ATF7: variants seen among roughly 807,000 people sequenced by gnomAD.
ATF7 encodes the protein cyclic AMP-dependent transcription factor ATF-7.
ATF7 carries 10 observed loss-of-function variants against 50.4 expected under a neutral mutation model. The ratio of observed to expected loss-of-function variants is 0.20; its 90% CI spans 0.12 to 0.34. ATF7 has a LOEUF of 0.34. Among genes scored for constraint, ATF7 ranks in the 10% least tolerant of loss-of-function variants. The pLI, the probability that ATF7 is intolerant of heterozygous loss-of-function variation, is 1.00. For missense variants in ATF7, 465 were observed against 613.9 expected (o/e 0.76, Z 2.56); for synonymous variants, 201 against 226.4 (o/e 0.89, Z 1.01).
intron 11 of ATF7, among the ~76,000 whole-genome samples, chr12:53,518,533 C>T (rs1937873637): frequency 1.3e-5 from 2 of 152,368 alleles, no homozygotes; most frequent in Admixed American, 1.3e-4. Flanking sequence ...TCACAGCTCA[C>T]AGCAGCCTTC....
At chr12:53,537,029 T>C (rs1201845477) in intron 5 of ATF7, among the ~76,000 whole-genome samples, 1 of 152,148 alleles carries the variant, frequency 6.6e-6, no homozygotes, top group African/African-American at 2.4e-5. Flanking sequence ...TTTATATAAA[T>C]CTTCTAAATA....
chr12:53,592,640 A>C (rs753796119), intron 2 of ATF7, among the ~76,000 whole-genome samples: 17 of 152,296 alleles, frequency 1.1e-4, no homozygotes, highest in Middle Eastern at 3.4e-3. Context: ...TCTGTTTAAA[A>C]CATGTGTTGT....
chr12:53,575,244 C>T (rs748165123), intron 2 of ATF7, among the ~76,000 whole-genome samples: 3 of 151,958 alleles, frequency 2.0e-5, no homozygotes, highest in Non-Finnish European at 2.9e-5. Context: ...CCTGTCTCTA[C>T]TAAAAATACA....
chr12:53,592,585 C>T (rs1359098645), intron 2 of ATF7, among the ~76,000 whole-genome samples: 2 of 152,018 alleles, frequency 1.3e-5, no homozygotes, highest in Non-Finnish European at 2.9e-5. Context: ...ATTCAACCCC[C>T]AACAGACAAA....
rs562934481 is a variant in ATF7 at position 53,545,754 on chromosome 12, G to A, written c.146-2306C>T. 3.2e-4 allele frequency among the ~76,000 whole-genome samples: 49 copies of A among 152,292 alleles called. No individual in the cohort carries two copies. In the South Asian group the frequency reaches 9.9e-3, roughly 31 times the overall value. On this transcript the variant is annotated intron_variant, in intron 3 of 11. Transcript: ENST00000420353. The stretch of plus-strand genomic sequence containing the variant: ...GATAGGAATATAGGAGTACTGCCCA[G>A]ATTTAAGACATGGCTCTTAGGCTGG...
chr12:53,523,002 G>A (rs1938215454), intron 11 of ATF7, among the ~76,000 whole-genome samples: 1 of 152,258 alleles, frequency 6.6e-6, no homozygotes, highest in Non-Finnish European at 1.5e-5. Flanking sequence ...TCCATTTCAT[G>A]AGAGACTTGG....
At chr12:53,613,569 G>C (rs1943987300) in intron 1 of ATF7, among the ~76,000 whole-genome samples, 3 of 151,820 alleles carry the variant, frequency 2.0e-5, no homozygotes, top group Non-Finnish European at 4.4e-5. Context: ...TGCCCAAGCT[G>C]GAGTGCAGTG....
chr12:53,540,462 G>A (rs1459488062), intron 4 of ATF7, among the ~76,000 whole-genome samples: 5 of 151,914 alleles, frequency 3.3e-5, no homozygotes, highest in Admixed American at 6.6e-5. Flanking sequence ...GGTGGCTCAC[G>A]CCTATAATCC....
rs1415663666 is a variant in ATF7 at position 53,570,759 on chromosome 12, GTGTGTGTGTGTGTGTGTA to G, written c.49-18140_49-18123del. On this transcript the variant is annotated intron_variant, in intron 2 of 11. Coordinates refer to ENST00000420353, the MANE Select transcript of ATF7 (RefSeq NM_006856.3). ...TGCGTGTGTGTGTGTGTGTGTGTGT[GTGTGTGTGTGTGTGTGTA>G]TGTCCAATTTCCTCTTTTTATAGGA... Among the ~76,000 whole-genome samples the G allele has an allele frequency of 1.3e-3, 195 of 151,820 alleles. 3 individuals carry two copies. The highest frequency in any genetic ancestry group is 0.011 in the Admixed American group (171 of 15,214).
chr12:53,542,088 G>A (rs1186004887), intron 4 of ATF7, among the ~76,000 whole-genome samples: 3 of 147,118 alleles, frequency 2.0e-5, no homozygotes, highest in Non-Finnish European at 4.5e-5. Context: ...TTACGGGTGT[G>A]AGCCACTGCG....
At chr12:53,522,491 A>C (rs1938180252) in intron 11 of ATF7, 1 of 152,034 alleles carries the variant, frequency 6.6e-6, no homozygotes, top group African/African-American at 2.4e-5. Flanking sequence ...CCTGGGAGGC[A>C]GAGGTGGCAG....
At chr12:53,587,366 C>CAAAAAAAAAAAAAAAAAAAAA (rs55904354) in intron 2 of ATF7, among the ~76,000 whole-genome samples, 9 of 62,294 alleles carry the variant, frequency 1.4e-4, no homozygotes, top group Non-Finnish European at 2.4e-4. Flanking sequence ...AATTCCGCAT[C>CAAAAAAAAAAAAAAAAAAAAA]AAAAAAAAAA....
chr12:53,584,531 G>A (rs1022290174), intron 2 of ATF7, among the ~76,000 whole-genome samples: 10 of 152,176 alleles, frequency 6.6e-5, no homozygotes, highest in Admixed American at 6.5e-5. Flanking sequence ...CACACTCATT[G>A]ATATTTACCC....
At chr12:53,543,171 G>A (rs922290832) in intron 4 of ATF7, 159 bp downstream of exon 4, 1 of 1,524,696 alleles carries the variant, frequency 6.6e-7, no homozygotes, top group African/African-American at 1.4e-5. Context: ...GACCTGAATG[G>A]CTGACTGGGA....
intron 1 of ATF7, among the ~76,000 whole-genome samples, chr12:53,610,861 G>A (rs1203378199): frequency 6.6e-6 from 1 of 151,986 alleles, no homozygotes; most frequent in Non-Finnish European, 1.5e-5. Context: ...ACAAGGTCTC[G>A]CTGTCACCCA....
intron 3 of ATF7, among the ~76,000 whole-genome samples, chr12:53,548,725 C>A (rs868674250): frequency 6.6e-6 from 1 of 152,158 alleles, no homozygotes; most frequent in Non-Finnish European, 1.5e-5. Flanking sequence ...TGGTGGCTCA[C>A]GCCTCCCAGC....
In ATF7 at chr12:53,517,066, GA is replaced by G; in HGVS notation, c.*70del. The G allele has an allele frequency of 1.3e-6, 2 of 1,521,568 alleles. No individual in the cohort carries two copies. The highest frequency in any genetic ancestry group is 2.3e-5 in the South Asian group (2 of 88,742). The allele number at this position is 1,521,568 out of a possible 1,614,324, so 94.3% of individuals were successfully genotyped here. ...GCCATGTCCAAGGCAGATGGGAGGG[GA>G]TAAGATGACATCTCTCTTGGCTCTT... On this transcript the variant is annotated 3_prime_UTR_variant, in exon 12 of 12. Coordinates refer to ENST00000420353, the MANE Select transcript of ATF7 (RefSeq NM_006856.3).
chr12:53,587,366 CAAAA>C (rs55904354), intron 2 of ATF7, among the ~76,000 whole-genome samples: 9 of 62,278 alleles, frequency 1.4e-4, no homozygotes, highest in Non-Finnish European at 2.1e-4. Context: ...AATTCCGCAT[CAAAA>C]AAAAAAAAAA....
At chr12:53,548,315 G>T (rs1940084634) in intron 3 of ATF7, among the ~76,000 whole-genome samples, 1 of 151,838 alleles carries the variant, frequency 6.6e-6, no homozygotes, top group Non-Finnish European at 1.5e-5. Flanking sequence ...AGGCCCCAGA[G>T]AACGTTTTCT....
Sources: gnomAD v4.1 joint callset for allele counts (sites outside exome capture counted in the v4.1 genomes callset) on GRCh38, gnomAD v4.1.1 for gene constraint, MANE v1.5 for transcripts, NCBI Gene and HGNC (gene_info 2026-07-23, HGNC 2026-07-21) for gene names.